Variants in LRIG1 observed in about 807,000 individuals in gnomAD.
LRIG1 encodes leucine rich repeats and immunoglobulin like domains 1.
A neutral mutation model predicts 99.2 loss-of-function variants in LRIG1; 48 were observed. That is an observed-to-expected ratio of 0.48 (90% CI 0.38 to 0.62). The LOEUF is 0.62. LRIG1 is among the 20% of genes least tolerant of loss of function. The probability of loss-of-function intolerance (pLI) is 0.00; values close to 1 mark genes in which losing one functional copy is unlikely to be tolerated. For missense variants in LRIG1, 1,646 were observed against 1,434.4 expected (o/e 1.15, Z -2.38); for synonymous variants, 772 against 596.1 (o/e 1.29, Z -4.30).
In LRIG1 at chr3:66,428,588, T is replaced by C. The variant is rs574002568; in HGVS notation, c.366-11322A>G. Reference sequence around the variant, plus strand: ...CCAGGACCAATGCCCATACAGAACTTGAAAATTAAGATGAGACATTTTTCA... The same window carrying C: ...CCAGGACCAATGCCCATACAGAACTCGAAAATTAAGATGAGACATTTTTCA... On this transcript the variant is annotated intron_variant, in intron 3 of 18. Transcript: ENST00000273261. Among the ~76,000 whole-genome samples the C allele has an allele frequency of 3.3e-5, 5 of 152,302 alleles. No homozygotes were observed. The East Asian group carries it at 9.6e-4, about 29-fold the overall frequency.
Position 66,500,976 on chromosome 3 carries a change from C to G in LRIG1, c.-569G>C, listed in dbSNP as rs1701347443. The G allele has an allele frequency of 6.6e-6, 1 of 152,154 alleles. No homozygotes were observed. Among genetic ancestry groups the G allele is most frequent in the African/African-American group, 2.4e-5 (1 of 41,414 alleles). The allele number at this position is 152,154 out of a possible 1,614,324, so 9.4% of individuals were successfully genotyped here. On this transcript the variant is annotated 5_prime_UTR_variant, in exon 1 of 19. Transcript: ENST00000273261. ...TCGGGTTCCGCACGGCTCCTCCGCG[C>G]AGCAAGAGTCCCGCCGACCTCGCAG...
At chr3:66,410,465 T>C (rs922832399) in intron 6 of LRIG1, among the ~76,000 whole-genome samples, 193 bp from the exon 7 acceptor site, 2 of 152,172 alleles carry the variant, frequency 1.3e-5, no homozygotes, top group African/African-American at 4.8e-5. Context: ...CAAATCAAAA[T>C]GGATGACAGC....
intron 16 of LRIG1, 71 bp from the exon 17 acceptor site, chr3:66,381,702 G>A (rs1018068464): frequency 2.0e-6 from 3 of 1,523,104 alleles, no homozygotes; most frequent in East Asian, 2.3e-5. Context: ...TGAAAGGAAT[G>A]AGCAAGGCCG....
At chr3:66,431,495 C>T (rs562201616) in intron 3 of LRIG1, among the ~76,000 whole-genome samples, 7 of 152,310 alleles carry the variant, frequency 4.6e-5, no homozygotes, top group Admixed American at 6.5e-5. Flanking sequence ...GCTCCGCCAA[C>T]TAGGGTGAGG....
chr3:66,409,932 A>C, intron 7 of LRIG1, 197 bp downstream of exon 7: 2 of 516,298 alleles, frequency 3.9e-6, no homozygotes, highest in Non-Finnish European at 6.8e-6. Flanking sequence ...GAGGAAGTGA[A>C]GGGGAGATGA....
chr3:66,418,195 G>A (rs770264348), intron 3 of LRIG1, among the ~76,000 whole-genome samples: 19 of 152,170 alleles, frequency 1.2e-4, no homozygotes, highest in Admixed American at 7.2e-4. Flanking sequence ...GGGTTCAAGC[G>A]ATTCTTCTGC....
At chr3:66,460,750 A>G (rs1286320423) in intron 2 of LRIG1, among the ~76,000 whole-genome samples, 2 of 152,220 alleles carry the variant, frequency 1.3e-5, no homozygotes, top group African/African-American at 4.8e-5. Context: ...TAACACAGTG[A>G]CCCACTTCAA....
At chr3:66,417,090 CAG>C in intron 4 of LRIG1, 37 bp downstream of exon 4, 1 of 1,606,470 alleles carries the variant, frequency 6.2e-7, no homozygotes, top group Non-Finnish European at 8.5e-7. Flanking sequence ...TGGCTGGACA[CAG>C]CGGGCCAGCC....
intron 3 of LRIG1, among the ~76,000 whole-genome samples, chr3:66,444,164 G>A (rs747929644): frequency 3.3e-5 from 5 of 152,206 alleles, no homozygotes; most frequent in African/African-American, 4.8e-5. Flanking sequence ...AGCACCCACC[G>A]GCTGAGAGAG....
rs563729399 is a variant in LRIG1, at chr3:66,499,757, T to C, written c.218+433A>G. 9.2e-5 allele frequency among the ~76,000 whole-genome samples: 14 copies of C among 152,142 alleles called. No homozygotes were observed. In the East Asian group the frequency reaches 2.1e-3, roughly 23 times the overall value. Reference sequence around the variant, plus strand: ...ACCAAGGAGCTCAGACACCAAATAGTTGGATTACAGGAGAGGAAAAGGAAA... The same window carrying C: ...ACCAAGGAGCTCAGACACCAAATAGCTGGATTACAGGAGAGGAAAAGGAAA... On this transcript the variant is annotated intron_variant, in intron 1 of 18. Transcript: ENST00000273261.
chr3:66,420,261 C>T (rs530574982), intron 3 of LRIG1, among the ~76,000 whole-genome samples: 7 of 152,268 alleles, frequency 4.6e-5, no homozygotes, highest in African/African-American at 1.7e-4. Flanking sequence ...CTCACACCCA[C>T]TAGGATGGCC....
chr3:66,414,365 C>T (rs893016491), intron 5 of LRIG1, among the ~76,000 whole-genome samples: 1 of 151,804 alleles, frequency 6.6e-6, no homozygotes, highest in African/African-American at 2.4e-5. Flanking sequence ...CCACTGCACC[C>T]CACCTGGGGG....
At chr3:66,381,056 G>A in intron 17 of LRIG1, 195 bp from the exon 18 acceptor site, 2 of 615,606 alleles carry the variant, frequency 3.2e-6, no homozygotes, top group Non-Finnish European at 5.7e-6. Flanking sequence ...ATGAACTGTG[G>A]GGTCTTTCGT....
intron 3 of LRIG1, among the ~76,000 whole-genome samples, chr3:66,444,606 G>C (rs1019367283): frequency 4.6e-5 from 7 of 152,162 alleles, no homozygotes; most frequent in African/African-American, 1.7e-4. Flanking sequence ...CATCACCTGG[G>C]AACTCATGAG....
intron 15 of LRIG1, 124 bp from the exon 16 acceptor site, chr3:66,382,522 T>TG (rs34392304): frequency 0.049 from 54,712 of 1,113,510 alleles, 4,037 homozygotes; most frequent in Admixed American, 0.24. Context: ...TGCAGAGAGA[T>TG]GACATGGAGT....
chr3:66,390,195 CATG>C (rs1701560672), intron 12 of LRIG1, among the ~76,000 whole-genome samples: 1 of 151,940 alleles, frequency 6.6e-6, no homozygotes, highest in African/African-American at 2.4e-5. Flanking sequence ...TTGCAAATGA[CATG>C]ATGATCACAT....
chr3:66,431,114 C>T (rs1246679056), intron 3 of LRIG1, among the ~76,000 whole-genome samples: 4 of 152,140 alleles, frequency 2.6e-5, no homozygotes, highest in Non-Finnish European at 1.5e-5. Context: ...CCGGCACAAC[C>T]GTGGATCCCG....
chr3:66,401,569 G>A (rs1405110136), intron 9 of LRIG1: 1 of 1,313,348 alleles, frequency 7.6e-7, no homozygotes, highest in South Asian at 1.5e-5. Context: ...AATTATGCAG[G>A]GGCTAATCAT....
intron 9 of LRIG1, among the ~76,000 whole-genome samples, chr3:66,401,388 C>T (rs908020254): frequency 6.6e-6 from 1 of 152,134 alleles, no homozygotes; most frequent in Non-Finnish European, 1.5e-5. Context: ...GCCCCAGGTC[C>T]CAGTAAAAAC....
Sources: allele counts gnomAD v4.1 joint callset (sites outside exome capture counted in the v4.1 genomes callset), GRCh38; gene constraint gnomAD v4.1.1; transcripts MANE v1.5; gene names NCBI Gene and HGNC (gene_info 2026-07-23, HGNC 2026-07-21).